ARID1B: variants seen among roughly 807,000 people sequenced by gnomAD.
ARID1B encodes AT-rich interaction domain 1B.
In ARID1B, 30 loss-of-function variants were observed where a neutral mutation model predicts 212.3. That is an observed-to-expected ratio of 0.14 (90% CI 0.11 to 0.19). The LOEUF (loss-of-function observed/expected upper bound fraction) is 0.19. ARID1B is among the 10% of genes least tolerant of loss of function. The pLI, the probability that ARID1B is intolerant of heterozygous loss-of-function variation, is 1.00. For missense variants in ARID1B, 2,891 were observed against 3,204.0 expected (o/e 0.90, Z 2.36); for synonymous variants, 1,402 against 1,301.7 (o/e 1.08, Z -1.66).
At chr6:157,151,376 G>C (rs1790187962) in intron 8 of ARID1B, 1 of 152,172 alleles carries the variant, frequency 6.6e-6, no homozygotes, top group Non-Finnish European at 1.5e-5. Flanking sequence ...GCTATTCATA[G>C]GACTTAGGAG....
chr6:156,815,974 A>G (rs796749543), intron 1 of ARID1B, among the ~76,000 whole-genome samples: 6 of 152,354 alleles, frequency 3.9e-5, no homozygotes, highest in African/African-American at 1.4e-4. Context: ...TTTTTTCTAT[A>G]TAGGACATTT....
chr6:156,939,104 G>A (rs1028826937), intron 4 of ARID1B: 1 of 152,126 alleles, frequency 6.6e-6, no homozygotes, highest in Non-Finnish European at 1.5e-5. Context: ...CTGTTTAGTT[G>A]TATTAGTTTA....
chr6:156,785,624 A>G (rs1779580631), intron 1 of ARID1B, among the ~76,000 whole-genome samples: 1 of 148,782 alleles, frequency 6.7e-6, no homozygotes, highest in South Asian at 2.1e-4. Flanking sequence ...GTACATTGTC[A>G]TTGTTGTGTG....
chr6:157,087,557 G>T (rs935692157), intron 5 of ARID1B, among the ~76,000 whole-genome samples: 3 of 152,172 alleles, frequency 2.0e-5, no homozygotes, highest in Non-Finnish European at 4.4e-5. Flanking sequence ...ACGATGTTAC[G>T]TTCACCATTA....
intron 8 of ARID1B, among the ~76,000 whole-genome samples, chr6:157,162,864 CT>C (rs946966422): frequency 8.5e-5 from 13 of 152,144 alleles, no homozygotes; most frequent in Non-Finnish European, 1.2e-4. Flanking sequence ...CCTTACCCCC[CT>C]GAGATGTTCC....
chr6:156,829,277 G>A lies in ARID1B; in HGVS notation c.1842G>A (p.Met614Ile), dbSNP rs1048427417. Reference protein sequence around the residue: ...MVMKRPQLYGMGSNPHSQPQQ... With the variant: ...MVMKRPQLYGIGSNPHSQPQQ... ...TGAAGAGACCTCAGTTGTATGGCATGGGCAGTAACCCTCATTCTCAGCCTC... is the reference window on the plus strand; with the variant it reads ...TGAAGAGACCTCAGTTGTATGGCATAGGCAGTAACCCTCATTCTCAGCCTC... The change falls in exon 2 of 20, where the codon ATG becomes ATA. Residue 614 changes from methionine (M) to isoleucine (I), a missense_variant. Coordinates refer to ENST00000636930, the MANE Select transcript of ARID1B (RefSeq NM_001374828.1). The A allele has an allele frequency of 8.1e-6, 13 of 1,614,076 alleles. No individual in the cohort carries two copies. The Admixed American group carries it at 1.2e-4, about 14-fold the overall frequency.
rs1794079764 is a variant in ARID1B, at chr6:157,201,133, T to C, written c.4908T>C (p.Pro1636=). 3.7e-6 allele frequency: 6 copies of C among 1,614,178 alleles called. No individual in the cohort carries two copies. In the East Asian group the frequency reaches 1.3e-4, roughly 36 times the overall value. The part of the protein sequence containing the change: ...DQRINHESQW[P]SHVSQRQPYM... ...GGATAAATCATGAGAGCCAGTGGCC[T>C]TCTCACGTCAGCCAGCGTCAGCCTT... The change falls in exon 18 of 20, where the codon CCT becomes CCC. Residue 1636 remains proline (P), a synonymous_variant. Transcript: ENST00000636930. The surrounding 1 kb of genome is among the most constrained non-coding windows in gnomAD (Gnocchi z 5.2).
chr6:157,027,334 C>A (rs907010912), intron 4 of ARID1B, among the ~76,000 whole-genome samples: 3 of 152,116 alleles, frequency 2.0e-5, no homozygotes, highest in Admixed American at 2.0e-4. Context: ...ATTTGATAAT[C>A]AAAATAATAC....
chr6:157,129,769 T>G (rs1289543875), intron 6 of ARID1B, among the ~76,000 whole-genome samples: 4 of 152,216 alleles, frequency 2.6e-5, no homozygotes, highest in Admixed American at 6.5e-5. Context: ...TTTTAAGGAC[T>G]GAGTAAATAG....
intron 4 of ARID1B, among the ~76,000 whole-genome samples, chr6:157,036,150 G>A (rs1003676279): frequency 6.6e-6 from 1 of 152,152 alleles, no homozygotes; most frequent in Non-Finnish European, 1.5e-5. Context: ...AAAGTTAAAA[G>A]CTTTACACAC....
rs1583055750 is a variant in ARID1B at position 156,795,837 on chromosome 6, T to C, written c.1791+16366T>C. On this transcript the variant is annotated intron_variant, in intron 1 of 19. Coordinates refer to ENST00000636930, the MANE Select transcript of ARID1B (RefSeq NM_001374828.1). ...TTCTCTTTATGTCCCCAACTATTCCTCTCTTCTAATTGCCAATAAAACTAC... is the reference window on the plus strand; with the variant it reads ...TTCTCTTTATGTCCCCAACTATTCCCCTCTTCTAATTGCCAATAAAACTAC... Among the ~76,000 whole-genome samples, 2 of 152,216 alleles carry C rather than the reference T, an allele frequency of 1.3e-5. 1 individual carries two copies. The highest frequency in any genetic ancestry group is 1.3e-4 in the Admixed American group (2 of 15,296).
chr6:156,862,996 G>A (rs145685733), intron 2 of ARID1B, among the ~76,000 whole-genome samples: 69 of 152,336 alleles, frequency 4.5e-4, no homozygotes, highest in African/African-American at 1.6e-3. Flanking sequence ...ATGGGCCTGC[G>A]CCTTAGTTGC....
intron 11 of ARID1B, chr6:157,175,486 TG>T: frequency 6.6e-6 from 1 of 152,236 alleles, no homozygotes; most frequent in Non-Finnish European, 1.5e-5. Flanking sequence ...AATTTGGGTA[TG>T]GTTTAGTGTA....
At chr6:157,026,316 G>A (rs1780665498) in intron 4 of ARID1B, among the ~76,000 whole-genome samples, 2 of 152,214 alleles carry the variant, frequency 1.3e-5, no homozygotes, top group African/African-American at 4.8e-5. Context: ...TTTCTGTGGT[G>A]TAGCCAAAAG....
rs145661515 is a variant in ARID1B at position 157,178,143 on chromosome 6, T to C, written c.3505-2826T>C. On this transcript the variant is annotated intron_variant, in intron 11 of 19. Coordinates refer to ENST00000636930, the MANE Select transcript of ARID1B (RefSeq NM_001374828.1). ...TGCTCAGCCTTCAGTCTTACTAGAC[T>C]GTGCCCACGTTCACTCCACACCTTG... Among the ~76,000 whole-genome samples, 847 of 152,344 alleles carry C rather than the reference T, an allele frequency of 5.6e-3. 9 individuals are homozygous for C. Among genetic ancestry groups the C allele is most frequent in the African/African-American group, 0.019 (800 of 41,574 alleles).
intron 6 of ARID1B, among the ~76,000 whole-genome samples, chr6:157,128,299 C>T (rs1315337875): frequency 6.6e-6 from 1 of 152,124 alleles, no homozygotes; most frequent in Non-Finnish European, 1.5e-5. Flanking sequence ...TATTATGTGT[C>T]ATGTACCTAC....
intron 2 of ARID1B, among the ~76,000 whole-genome samples, chr6:156,835,992 A>G (rs1310558008): frequency 6.6e-6 from 1 of 152,168 alleles, no homozygotes; most frequent in African/African-American, 2.4e-5. Flanking sequence ...GCACTGAATG[A>G]GTATATTTTA....
At chr6:157,018,959 G>A (rs1028913689) in intron 4 of ARID1B, among the ~76,000 whole-genome samples, 1 of 152,064 alleles carries the variant, frequency 6.6e-6, no homozygotes. Flanking sequence ...GAAGGGATCT[G>A]TATGAATAAA....
intron 4 of ARID1B, among the ~76,000 whole-genome samples, chr6:157,032,662 C>G (rs567610383): frequency 6.6e-6 from 1 of 152,306 alleles, no homozygotes; most frequent in African/African-American, 2.4e-5. Flanking sequence ...TATTAATTGA[C>G]ATGGAACAAT....
Sources: allele counts gnomAD v4.1 joint callset (sites outside exome capture counted in the v4.1 genomes callset), GRCh38; gene constraint gnomAD v4.1.1; non-coding constraint Gnocchi (gnomAD v3.1); transcripts MANE v1.5; gene names NCBI Gene and HGNC (gene_info 2026-07-23, HGNC 2026-07-21).